Variants in TBC1D5 observed in about 807,000 individuals in gnomAD.
TBC1D5 encodes TBC1 domain family member 5.
In TBC1D5, 75 loss-of-function variants were observed where a neutral mutation model predicts 100.3. The observed-to-expected ratio is 0.75, with a 90% confidence interval of 0.62 to 0.91. The LOEUF is 0.91. Among genes scored for constraint, TBC1D5 ranks in the 40% least tolerant of loss-of-function variants. The pLI is 0.00. For missense variants in TBC1D5, 910 were observed against 942.4 expected (o/e 0.97, Z 0.45); for synonymous variants, 323 against 325.6 (o/e 0.99, Z 0.09).
intron 3 of TBC1D5, among the ~76,000 whole-genome samples, chr3:17,460,840 G>A (rs2095192548): frequency 6.6e-6 from 1 of 151,906 alleles, no homozygotes; most frequent in African/African-American, 2.4e-5. Flanking sequence ...TAGTGGGTCA[G>A]AAAGATTATT....
chr3:17,590,974 T>C (rs2096763449), intron 2 of TBC1D5, among the ~76,000 whole-genome samples: 1 of 151,890 alleles, frequency 6.6e-6, no homozygotes, highest in South Asian at 2.1e-4. Flanking sequence ...GCACAGTGGC[T>C]CACACCTGTA....
At position 17,246,717 on chromosome 3, in the gene TBC1D5, C is replaced by A. The variant is rs1576252560; in HGVS notation, c.1332-8298G>T. ...AAAAGATGAACCTCAACCTTTACCT[C>A]ATTTTACACACAAAAATTACTTTGA... On this transcript the variant is annotated intron_variant, in intron 16 of 21. Coordinates refer to ENST00000253692, the Ensembl canonical transcript of TBC1D5. Among the ~76,000 whole-genome samples, 3 of 152,326 alleles carry A rather than the reference C, an allele frequency of 2.0e-5. No individual in the cohort carries two copies. The East Asian group carries it at 5.8e-4, about 29-fold the overall frequency.
In TBC1D5 at chr3:17,485,836, T is replaced by G. The variant is rs536943987; in HGVS notation, c.97+22638A>C. Among the ~76,000 whole-genome samples the G allele has an allele frequency of 1.3e-3, 197 of 152,268 alleles. 1 individual carries two copies. Among genetic ancestry groups the G allele is most frequent in the Middle Eastern group, 3.4e-3 (1 of 294 alleles). ...TGTGTCTTTATAGCAGCATGATTTA[T>G]AGTCCTTTGGGTATATACCCAGTAA... On this transcript the variant is annotated intron_variant, in intron 3 of 21. Transcript: ENST00000253692.
At chr3:17,180,529 C>T (rs949131993) in intron 19 of TBC1D5, among the ~76,000 whole-genome samples, 7 of 152,032 alleles carry the variant, frequency 4.6e-5, no homozygotes, top group Non-Finnish European at 1.0e-4. Context: ...CCTAAGTGTC[C>T]GGCATTGGAT....
intron 2 of TBC1D5, among the ~76,000 whole-genome samples, chr3:17,525,142 T>C (rs554890862): frequency 4.6e-5 from 7 of 152,180 alleles, no homozygotes; most frequent in Non-Finnish European, 8.8e-5. Flanking sequence ...GAGGATTTTT[T>C]TTTTGAGACA....
intron 1 of TBC1D5, among the ~76,000 whole-genome samples, chr3:17,629,315 G>A (rs60803166): frequency 0.019 from 2,958 of 152,096 alleles, 97 homozygotes; most frequent in African/African-American, 0.066. Flanking sequence ...GATTAATGTA[G>A]TATAATCTAA....
At chr3:17,662,142 C>T (rs1406270619) in intron 1 of TBC1D5, among the ~76,000 whole-genome samples, 1 of 152,192 alleles carries the variant, frequency 6.6e-6, no homozygotes, top group Non-Finnish European at 1.5e-5. Context: ...ATCCTCTCAC[C>T]TTGGCATCCC....
chr3:17,269,964 AT>A (rs2079224649), intron 15 of TBC1D5, among the ~76,000 whole-genome samples: 1 of 152,114 alleles, frequency 6.6e-6, no homozygotes, highest in Non-Finnish European at 1.5e-5. Flanking sequence ...ATAAGCATGT[AT>A]GTATCTTTTA....
intron 1 of TBC1D5, among the ~76,000 whole-genome samples, chr3:17,712,763 A>G (rs1233290790): frequency 6.6e-6 from 1 of 152,214 alleles, no homozygotes; most frequent in Admixed American, 6.5e-5. Context: ...AGTATAAAGC[A>G]TAAAGGAGAG....
intron 16 of TBC1D5, among the ~76,000 whole-genome samples, chr3:17,253,695 A>T (rs1486805178): frequency 6.6e-6 from 1 of 152,206 alleles, no homozygotes; most frequent in Non-Finnish European, 1.5e-5. Flanking sequence ...ACCACATGCT[A>T]GCTGCCCGTT....
chr3:17,342,151 CCTGA>C (rs553939585), intron 13 of TBC1D5, among the ~76,000 whole-genome samples: 532 of 152,298 alleles, frequency 3.5e-3, no homozygotes, highest in Admixed American at 5.8e-3. Context: ...CATCTAAAAT[CCTGA>C]CTATCTGCTG....
Position 17,286,856 on chromosome 3 carries a change from A to G in TBC1D5, c.1245+5039T>C, listed in dbSNP as rs1017737486. 4.6e-5 allele frequency among the ~76,000 whole-genome samples: 7 copies of G among 152,198 alleles called. No homozygotes were observed. In the East Asian group the frequency reaches 7.7e-4, roughly 17 times the overall value. ...CCACTAAAAAGCTCTGTGACCTTGA[A>G]TAAGTCTCTAAGCTTTATCTTTGTT... On this transcript the variant is annotated intron_variant, in intron 15 of 21. Transcript: ENST00000253692.
intron 13 of TBC1D5, among the ~76,000 whole-genome samples, chr3:17,318,233 G>C (rs1163911862): frequency 8.3e-6 from 1 of 120,264 alleles, no homozygotes; most frequent in South Asian, 3.4e-4. Context: ...GTTGTGGGGT[G>C]GGGGGAGGGG....
chr3:17,589,132 T>A (rs1212543492), intron 2 of TBC1D5, among the ~76,000 whole-genome samples: 1 of 152,202 alleles, frequency 6.6e-6, no homozygotes, highest in African/African-American at 2.4e-5. Flanking sequence ...TACAATGAAG[T>A]TCTGAGAAGA....
intron 2 of TBC1D5, among the ~76,000 whole-genome samples, chr3:17,550,894 T>C (rs1353564909): frequency 6.6e-6 from 1 of 151,834 alleles, no homozygotes; most frequent in African/African-American, 2.4e-5. Flanking sequence ...TATAAATTTA[T>C]GTCATGTTCA....
chr3:17,492,749 T>A (rs980777264), intron 3 of TBC1D5, among the ~76,000 whole-genome samples: 1 of 152,252 alleles, frequency 6.6e-6, no homozygotes, highest in Non-Finnish European at 1.5e-5. Context: ...AATTTCCATC[T>A]TAACACTGCT....
intron 3 of TBC1D5, among the ~76,000 whole-genome samples, chr3:17,491,385 T>C (rs543291016): frequency 3.9e-5 from 6 of 152,334 alleles, no homozygotes; most frequent in East Asian, 1.9e-4. Context: ...TCTTATCTTG[T>C]GCCGGTTTTC....
At chr3:17,206,631 T>C (rs977463525) in intron 18 of TBC1D5, among the ~76,000 whole-genome samples, 1 of 152,156 alleles carries the variant, frequency 6.6e-6, no homozygotes, top group East Asian at 1.9e-4. Context: ...ACAGGGGTCA[T>C]AAAGACACAG....
chr3:17,421,979 C>T (rs2094218010), intron 4 of TBC1D5, among the ~76,000 whole-genome samples: 1 of 152,154 alleles, frequency 6.6e-6, no homozygotes, highest in Admixed American at 6.6e-5. Context: ...CTTCCTCCCT[C>T]CTCTTCTACT....
Sources: allele counts gnomAD v4.1 joint callset (sites outside exome capture counted in the v4.1 genomes callset), GRCh38; gene constraint gnomAD v4.1.1; transcripts MANE v1.5; gene names NCBI Gene and HGNC (gene_info 2026-07-23, HGNC 2026-07-21).